CYB5R4: variants seen among roughly 807,000 people sequenced by gnomAD.
CYB5R4 encodes N-terminal cytochrome b5 and cytochrome b5 oxidoreductase domain-containing protein.
A neutral mutation model predicts 70.2 loss-of-function variants in CYB5R4; 55 were observed. The ratio of observed to expected loss-of-function variants is 0.78; its 90% confidence interval spans 0.63 to 0.98. CYB5R4 has a LOEUF of 0.98. Ranked by LOEUF, CYB5R4 falls within the 50% of genes least tolerant of loss-of-function variation. CYB5R4 has a pLI of 0.00. For synonymous variants in CYB5R4, 197 were observed against 199.5 expected (o/e 0.99, Z 0.11); for missense variants, 562 against 612.6 (o/e 0.92, Z 0.87).
intron 2 of CYB5R4, among the ~76,000 whole-genome samples, chr6:83,880,604 A>AT (rs978716219): frequency 2.6e-5 from 4 of 151,508 alleles, no homozygotes; most frequent in East Asian, 3.9e-4. Context: ...GAAGTTTATA[A>AT]TTTTTTTTTC....
At chr6:83,860,694 G>T (rs1377868384) in intron 1 of CYB5R4, among the ~76,000 whole-genome samples, 4 of 152,094 alleles carry the variant, frequency 2.6e-5, no homozygotes, top group Non-Finnish European at 4.4e-5. Flanking sequence ...TCTTAGCATC[G>T]TTTGGAACCC....
chr6:83,906,929 G>A (rs1043261438), intron 3 of CYB5R4, among the ~76,000 whole-genome samples: 7 of 151,964 alleles, frequency 4.6e-5, no homozygotes, highest in Admixed American at 6.6e-5. Flanking sequence ...TTCCTTTGCC[G>A]GTCTTTTACA....
intron 14 of CYB5R4, among the ~76,000 whole-genome samples, chr6:83,950,814 C>T (rs1416600334): frequency 6.6e-6 from 1 of 152,148 alleles, no homozygotes; most frequent in Admixed American, 6.5e-5. Context: ...TCTTTCTATT[C>T]ATATGCATAC....
intron 2 of CYB5R4, among the ~76,000 whole-genome samples, chr6:83,890,522 T>A (rs750299586): frequency 6.6e-6 from 1 of 152,184 alleles, no homozygotes; most frequent in African/African-American, 2.4e-5. Context: ...CTGTGAACAT[T>A]GTTGAAATGA....
rs2099473174 is a variant in CYB5R4, at chr6:83,960,598, C to T, written c.*720C>T. Reference sequence around the variant, plus strand: ...CCTTGACAGCTATTTTTACTCTTAGCCAAAAACAAAGACATTAGGAAAGAG... The same window carrying T: ...CCTTGACAGCTATTTTTACTCTTAGTCAAAAACAAAGACATTAGGAAAGAG... On this transcript the variant is annotated 3_prime_UTR_variant, in exon 16 of 16. Transcript: ENST00000369681. The T allele has an allele frequency of 1.3e-5, 2 of 152,182 alleles. No individual in the cohort carries two copies. Among genetic ancestry groups the T allele is most frequent in the South Asian group, 2.1e-4 (1 of 4,818 alleles). The allele number at this position is 152,182 out of a possible 1,614,324, so 9.4% of individuals were successfully genotyped here. A position where few individuals can be genotyped will look rare whatever the true frequency, so the allele number is the denominator to read the frequency against.
chr6:83,899,081 G>A (rs999155897), intron 3 of CYB5R4, among the ~76,000 whole-genome samples: 1 of 152,172 alleles, frequency 6.6e-6, no homozygotes, highest in African/African-American at 2.4e-5. Flanking sequence ...TGCCCATTCA[G>A]TATGATATTG....
At position 83,914,333 on chromosome 6, in the gene CYB5R4, TC is replaced by T; in HGVS notation, c.413-82del. ...GCCCTTCAAAAAAGAAGGGATGTTA[TC>T]TTGAAATCAGTAATGTGGACTGACA... is the stretch of plus-strand genomic sequence containing the variant. On this transcript the variant is annotated intron_variant, in intron 4 of 15. Coordinates refer to ENST00000369681, the MANE Select transcript of CYB5R4 (RefSeq NM_016230.4). The T allele has an allele frequency of 2.9e-6, 4 of 1,390,914 alleles. No homozygotes were observed. The South Asian group carries it at 5.4e-5, about 19-fold the overall frequency. The allele number at this position is 1,390,914 out of a possible 1,614,324, so 86.2% of individuals were successfully genotyped here.
intron 2 of CYB5R4, among the ~76,000 whole-genome samples, chr6:83,879,038 TG>T (rs2099459042): frequency 6.6e-6 from 1 of 152,120 alleles, no homozygotes; most frequent in South Asian, 2.1e-4. Context: ...AGACTTGTAG[TG>T]GGGGCAGAAG....
chr6:83,887,688 C>T (rs908949849), intron 2 of CYB5R4, among the ~76,000 whole-genome samples: 1 of 148,574 alleles, frequency 6.7e-6, no homozygotes, highest in Non-Finnish European at 1.5e-5. Context: ...CTCTTCTGAA[C>T]AGTTCTCAGT....
chr6:83,908,414 C>A (rs1250134942), intron 3 of CYB5R4, among the ~76,000 whole-genome samples: 2 of 152,152 alleles, frequency 1.3e-5, no homozygotes, highest in African/African-American at 2.4e-5. Context: ...CTAAGTGTCT[C>A]TTCACCGGGA....
At chr6:83,938,131 C>T (rs1313725914) in intron 12 of CYB5R4, among the ~76,000 whole-genome samples, 1 of 152,076 alleles carries the variant, frequency 6.6e-6, no homozygotes, top group Non-Finnish European at 1.5e-5. Context: ...TTACGTAAAC[C>T]AAAATATTGT....
chr6:83,946,082 C>T (rs888571454), intron 14 of CYB5R4, among the ~76,000 whole-genome samples: 14 of 152,168 alleles, frequency 9.2e-5, no homozygotes, highest in Non-Finnish European at 1.8e-4. Flanking sequence ...ATGAGGCCAG[C>T]ATCATTCTGA....
At chr6:83,880,145 C>T (rs1262850760) in intron 2 of CYB5R4, among the ~76,000 whole-genome samples, 1 of 152,162 alleles carries the variant, frequency 6.6e-6, no homozygotes, top group African/African-American at 2.4e-5. Context: ...TATTTATGGG[C>T]TACCATGTGT....
At chr6:83,924,153 T>A (rs1340150159) in intron 9 of CYB5R4, among the ~76,000 whole-genome samples, 1 of 151,246 alleles carries the variant, frequency 6.6e-6, no homozygotes, top group East Asian at 1.9e-4. Context: ...TTTTTTTTTT[T>A]TTTTTTGTTA....
At chr6:83,945,310 C>T (rs1284777869) in intron 14 of CYB5R4, among the ~76,000 whole-genome samples, 3 of 152,196 alleles carry the variant, frequency 2.0e-5, no homozygotes, top group African/African-American at 7.2e-5. Context: ...ACAACCTGCT[C>T]TTGAATGACT....
chr6:83,879,689 C>A (rs906731119), intron 2 of CYB5R4, among the ~76,000 whole-genome samples: 1 of 152,146 alleles, frequency 6.6e-6, no homozygotes, highest in Non-Finnish European at 1.5e-5. Flanking sequence ...GCTGTGCTAC[C>A]AGTGGGCCTT....
At chr6:83,926,745 T>C (rs1227650322) in intron 10 of CYB5R4, among the ~76,000 whole-genome samples, 1 of 152,172 alleles carries the variant, frequency 6.6e-6, no homozygotes, top group Non-Finnish European at 1.5e-5. Context: ...AAACTTCTTA[T>C]ATTTTGCTCA....
intron 14 of CYB5R4, among the ~76,000 whole-genome samples, chr6:83,950,576 T>A (rs577968610): frequency 7.2e-4 from 110 of 152,316 alleles, no homozygotes; most frequent in African/African-American, 2.6e-3. Context: ...GAAAACATTT[T>A]GTGGTATATA....
At chr6:83,869,302 A>G (rs1454038099) in intron 2 of CYB5R4, among the ~76,000 whole-genome samples, 2 of 152,198 alleles carry the variant, frequency 1.3e-5, no homozygotes, top group East Asian at 3.8e-4. Context: ...AAGGTAGTGT[A>G]AATTTTTGTG....
Sources: gnomAD v4.1 joint callset for allele counts (sites outside exome capture counted in the v4.1 genomes callset) on GRCh38, gnomAD v4.1.1 for gene constraint, MANE v1.5 for transcripts, NCBI Gene and HGNC (gene_info 2026-07-23, HGNC 2026-07-21) for gene names.